Variants in GALNT2 observed in about 807,000 individuals in gnomAD.
GALNT2 encodes the protein UDP-GalNAc:polypeptide N-acetylgalactosaminyltransferase 2.
A neutral mutation model predicts 81.4 loss-of-function variants in GALNT2; 31 were observed. That is an observed-to-expected ratio of 0.38 (90% CI 0.29 to 0.51). GALNT2 has a LOEUF of 0.51. GALNT2 is among the 20% of genes least tolerant of loss of function. The pLI is 0.87. For synonymous variants in GALNT2, 303 were observed against 287.4 expected (o/e 1.05, Z -0.55); for missense variants, 629 against 765.7 (o/e 0.82, Z 2.11).
intron 3 of GALNT2, 37 bp downstream of exon 3, chr1:230,203,327 T>A: frequency 6.2e-7 from 1 of 1,606,948 alleles, no homozygotes; most frequent in Non-Finnish European, 8.5e-7. Flanking sequence ...CAGCTTCATT[T>A]GCTTTCACAC....
intron 1 of GALNT2, among the ~76,000 whole-genome samples, chr1:230,138,285 G>A: frequency 6.6e-6 from 1 of 152,214 alleles, no homozygotes; most frequent in East Asian, 1.9e-4. Flanking sequence ...AGCACCTTGG[G>A]AGGCCAAGAT....
chr1:230,260,437 A>G (rs1665842381), intron 11 of GALNT2, among the ~76,000 whole-genome samples: 1 of 152,214 alleles, frequency 6.6e-6, no homozygotes, highest in South Asian at 2.1e-4. Flanking sequence ...GACAGAAAAG[A>G]GTTGCTTTGC....
At chr1:230,146,757 G>A (rs1297226800) in intron 1 of GALNT2, among the ~76,000 whole-genome samples, 1 of 152,212 alleles carries the variant, frequency 6.6e-6, no homozygotes, top group Non-Finnish European at 1.5e-5. Flanking sequence ...TAGGGTGGGT[G>A]TCGTGCATGT....
At chr1:230,232,307 C>T (rs955547899) in intron 3 of GALNT2, among the ~76,000 whole-genome samples, 2 of 152,012 alleles carry the variant, frequency 1.3e-5, no homozygotes, top group Non-Finnish European at 2.9e-5. Flanking sequence ...CAGTTCTCAG[C>T]AAAAATGGAT....
At chr1:230,254,833 C>T (rs1286489800) in intron 10 of GALNT2, among the ~76,000 whole-genome samples, 1 of 152,214 alleles carries the variant, frequency 6.6e-6, no homozygotes, top group African/African-American at 2.4e-5. Flanking sequence ...AAGAATTCAG[C>T]ACAAGTGTTT....
At chr1:230,112,383 A>G (rs371290649) in intron 1 of GALNT2, among the ~76,000 whole-genome samples, 444 of 133,870 alleles carry the variant, frequency 3.3e-3, no homozygotes, top group African/African-American at 4.6e-3. Flanking sequence ...GCGCCGGGGG[A>G]GGGGGGGGGC....
intron 3 of GALNT2, among the ~76,000 whole-genome samples, chr1:230,226,675 C>A (rs1290045119): frequency 6.6e-6 from 1 of 152,190 alleles, no homozygotes; most frequent in Non-Finnish European, 1.5e-5. Context: ...AGGGGCCTCG[C>A]CACTCTCTCC....
chr1:230,236,871 C>CA, intron 6 of GALNT2, 146 bp downstream of exon 6: 1 of 642,172 alleles, frequency 1.6e-6, no homozygotes, highest in Non-Finnish European at 2.6e-6. Context: ...AGACTTCTCC[C>CA]AGCAAACACA....
intron 1 of GALNT2, among the ~76,000 whole-genome samples, chr1:230,130,752 C>G (rs1661341466): frequency 6.6e-6 from 1 of 152,222 alleles, no homozygotes; most frequent in African/African-American, 2.4e-5. Flanking sequence ...GGCGACAGCT[C>G]CTGTATGTTC....
chr1:230,058,176 C>T (rs1658961632), intron 1 of GALNT2: 1 of 452,022 alleles, frequency 2.2e-6, no homozygotes, highest in African/African-American at 2.0e-5. Flanking sequence ...ACTCCTGACA[C>T]TGGCCTCCTC....
At chr1:230,228,223 T>C (rs887185901) in intron 3 of GALNT2, among the ~76,000 whole-genome samples, 1 of 152,204 alleles carries the variant, frequency 6.6e-6, no homozygotes, top group Non-Finnish European at 1.5e-5. Context: ...GAAATATTAA[T>C]TTCCTTCAAA....
At chr1:230,131,673 G>C (rs1456687807) in intron 1 of GALNT2, among the ~76,000 whole-genome samples, 1 of 152,232 alleles carries the variant, frequency 6.6e-6, no homozygotes, top group African/African-American at 2.4e-5. Flanking sequence ...GTAGACCGAA[G>C]TTCGGTTTGG....
chr1:230,136,655 T>G (rs1262693906), intron 1 of GALNT2, among the ~76,000 whole-genome samples: 1 of 152,192 alleles, frequency 6.6e-6, no homozygotes, highest in East Asian at 1.9e-4. Context: ...GCGCTGGGTC[T>G]GAGAGAGGAC....
chr1:230,226,878 A>T (rs1183406448), intron 3 of GALNT2, among the ~76,000 whole-genome samples: 2 of 152,244 alleles, frequency 1.3e-5, no homozygotes, highest in Non-Finnish European at 2.9e-5. Flanking sequence ...AAAAAACTGC[A>T]GGGTGTAAAC....
At chr1:230,209,053 A>G (rs1291885563) in intron 3 of GALNT2, among the ~76,000 whole-genome samples, 3 of 151,488 alleles carry the variant, frequency 2.0e-5, no homozygotes, top group Non-Finnish European at 4.4e-5. Flanking sequence ...AAAAAAAAAA[A>G]GCATGTTGAA....
intron 14 of GALNT2, among the ~76,000 whole-genome samples, chr1:230,273,488 T>C (rs972437009): frequency 2.0e-5 from 3 of 152,208 alleles, no homozygotes; most frequent in African/African-American, 2.4e-5. Flanking sequence ...CCCTCGATAT[T>C]AAGGGGTGTT....
intron 1 of GALNT2, among the ~76,000 whole-genome samples, chr1:230,069,318 A>C (rs1047050578): frequency 6.6e-6 from 1 of 150,982 alleles, no homozygotes; most frequent in East Asian, 1.9e-4. Flanking sequence ...CCTGGTGGCA[A>C]TATAGACAGG....
chr1:230,148,542 A>C (rs576974653), intron 1 of GALNT2, among the ~76,000 whole-genome samples: 26 of 152,328 alleles, frequency 1.7e-4, no homozygotes, highest in Non-Finnish European at 3.8e-4. Context: ...AGTTAACTCC[A>C]GGGTGTGGGT....
intron 1 of GALNT2, among the ~76,000 whole-genome samples, chr1:230,058,631 C>A (rs929581868): frequency 6.6e-6 from 1 of 152,208 alleles, no homozygotes; most frequent in South Asian, 2.1e-4. Context: ...TAAAATAATA[C>A]ACAAACAGTG....
Sources: allele counts gnomAD v4.1 joint callset (sites outside exome capture counted in the v4.1 genomes callset), GRCh38; gene constraint gnomAD v4.1.1; transcripts MANE v1.5; gene names NCBI Gene and HGNC (gene_info 2026-07-23, HGNC 2026-07-21).